SLIT1: variants seen among roughly 807,000 people sequenced by gnomAD.
SLIT1 encodes slit homolog 1 protein.
SLIT1 carries 66 observed loss-of-function variants against 186.1 expected under a neutral mutation model. That is an observed-to-expected ratio of 0.35 (90% CI 0.29 to 0.44). The LOEUF (loss-of-function observed/expected upper bound fraction) is 0.44, where lower values mean the gene tolerates loss of function less well. SLIT1 is among the 20% of genes least tolerant of loss of function. The pLI is 1.00. For missense variants in SLIT1, 1,638 were observed against 2,037.4 expected (o/e 0.80, Z 3.77); for synonymous variants, 761 against 833.8 (o/e 0.91, Z 1.50).
At position 97,164,784 on chromosome 10, in the gene SLIT1, CA is replaced by C. The variant is rs1481398910; in HGVS notation, c.269+34del. ...CTGCCCAGGACTGCCGTGGCATTGC[CA>C]GGGGTGGGGTGGGAGGGAGCACCCC... is the stretch of plus-strand genomic sequence containing the variant. On this transcript the variant is annotated intron_variant, in intron 2 of 36. Transcript: ENST00000266058. 2.6e-6 allele frequency: 4 copies of C among 1,528,528 alleles called. No homozygotes were observed. In the South Asian group the frequency reaches 3.4e-5, roughly 13 times the overall value. The allele number at this position is 1,528,528 out of a possible 1,614,324, so 94.7% of individuals were successfully genotyped here.
Position 97,047,779 on chromosome 10 carries a change from G to A in SLIT1, c.1545C>T (p.His515=). Residue 515 remains histidine (H), a synonymous_variant, in exon 16 of 37, where the codon CAC becomes CAT. Coordinates refer to ENST00000266058, the MANE Select transcript of SLIT1 (RefSeq NM_003061.3). ...SECNSDVVCP[H]KCRCEANVVE... is the part of the protein sequence containing the mutation. ...CCACGTTGGCCTCACAGCGGCACTT[G>A]TGGGGACAGACCACGTCGCTGTTGC... 3 of 1,614,100 alleles carry A rather than the reference G, an allele frequency of 1.9e-6. No homozygotes were observed. The highest frequency in any genetic ancestry group is 1.3e-5 in the African/African-American group (1 of 75,058).
At position 97,157,820 on chromosome 10, in the gene SLIT1, T is replaced by G. The variant is rs773203470; in HGVS notation, c.411A>C (p.Arg137Ser). The G allele has an allele frequency of 6.2e-7, 1 of 1,612,718 alleles. No individual in the cohort carries two copies. Residue 137 changes from arginine (R) to serine (S), a missense_variant and splice_region_variant, in exon 4 of 37, where the codon AGA (arginine) becomes AGC (serine). Arg to Ser is a moderately radical substitution (Grantham distance 110). This residue lies in a region of SLIT1 where 1,245 missense variants were observed against 1,535.3 expected (regional missense o/e 0.81). Transcript: ENST00000266058. ...LLFQNNQALS[R>S]LDLSENAIQA... ...TCTGGCCACAGAGCGTCACTCACAG[T>G]CTTGACAAAGCCTGGTTGTTCTGGA...
At chr10:97,138,822 A>G (rs1243393484) in intron 4 of SLIT1, among the ~76,000 whole-genome samples, 1 of 152,172 alleles carries the variant, frequency 6.6e-6, no homozygotes, top group Non-Finnish European at 1.5e-5. Context: ...ACAATGTTTC[A>G]CTATTTGTTT....
intron 4 of SLIT1, among the ~76,000 whole-genome samples, chr10:97,133,105 C>T (rs1303547941): frequency 6.6e-6 from 1 of 152,178 alleles, no homozygotes; most frequent in Non-Finnish European, 1.5e-5. Context: ...GAGTGGGAGC[C>T]ACCCCAGCGT....
chr10:97,127,861 T>A lies in SLIT1; in HGVS notation c.413+29957A>T, dbSNP rs116835450. 3.8e-3 allele frequency among the ~76,000 whole-genome samples: 586 copies of A among 152,328 alleles called. 2 individuals carry two copies. The highest frequency in any genetic ancestry group is 0.011 in the African/African-American group (452 of 41,584). ...ACTGTCCTCATCTGCAAAGACAGGATGTGAATTAGAACCTCTCTCAGGTTC... is the reference window on the plus strand; with the variant it reads ...ACTGTCCTCATCTGCAAAGACAGGAAGTGAATTAGAACCTCTCTCAGGTTC... On this transcript the variant is annotated intron_variant, in intron 4 of 36. Transcript: ENST00000266058.
intron 1 of SLIT1, 79 bp from the exon 2 acceptor site, chr10:97,164,969 T>G: frequency 9.3e-7 from 1 of 1,074,030 alleles, no homozygotes; most frequent in Non-Finnish European, 1.4e-6. Flanking sequence ...CCAGGTGCCC[T>G]CCCCGCCTGG....
intron 1 of SLIT1, among the ~76,000 whole-genome samples, chr10:97,165,244 G>A (rs765808648): frequency 5.3e-5 from 8 of 152,192 alleles, no homozygotes; most frequent in Non-Finnish European, 1.0e-4. Context: ...TAGAATCCTC[G>A]CTGAGCCTCA....
chr10:97,030,764 A>T lies in SLIT1; in HGVS notation c.2575T>A (p.Ser859Thr). Residue 859 changes from serine to threonine, a missense_variant, in exon 25 of 37, where the codon TCT (serine) becomes ACT (threonine). Ser to Thr is a moderately conservative substitution (Grantham distance 58). Coordinates refer to ENST00000266058, the MANE Select transcript of SLIT1 (RefSeq NM_003061.3). Reference sequence around the variant, plus strand: ...AGGGGCTAGGGTACTCACAGGTGAGACAGGGAGGTCACGTCTGCAAAGATG... The same window carrying T: ...AGGGGCTAGGGTACTCACAGGTGAGTCAGGGAGGTCACGTCTGCAAAGATG... ...EGIFADVTSL[S>T]HLAIGANPLY... 2 of 1,613,756 alleles carry T rather than the reference A, an allele frequency of 1.2e-6. No homozygotes were observed. Among genetic ancestry groups the T allele is most frequent in the Non-Finnish European group, 1.7e-6 (2 of 1,179,758 alleles).
chr10:97,107,124 T>G (rs1214692734), intron 4 of SLIT1, among the ~76,000 whole-genome samples: 1 of 152,142 alleles, frequency 6.6e-6, no homozygotes, highest in Non-Finnish European at 1.5e-5. Context: ...CCAGAAAAGG[T>G]ACCCAACAGG....
In SLIT1 at chr10:97,022,742, C is replaced by T. The variant is rs1848512385; in HGVS notation, c.2583-1329G>A. 6.6e-6 allele frequency among the ~76,000 whole-genome samples: 1 copy of T among 152,180 alleles called. No individual in the cohort carries two copies. The highest frequency in any genetic ancestry group is 1.5e-5 in the Non-Finnish European group (1 of 68,040). ...ATTACGAAAAACAAAAGTCTACACC[C>T]CACTGTCACTGCCCTCCACAAAGGG... On this transcript the variant is annotated intron_variant, in intron 25 of 36. Coordinates refer to ENST00000266058, the MANE Select transcript of SLIT1 (RefSeq NM_003061.3). This position sits in a 1 kb window ranked among gnomAD's most constrained non-coding sequence, Gnocchi z 4.2.
chr10:97,032,465 A>G (rs1848599760), intron 23 of SLIT1, among the ~76,000 whole-genome samples: 1 of 151,798 alleles, frequency 6.6e-6, no homozygotes, highest in Non-Finnish European at 1.5e-5. Flanking sequence ...GCTACTCGAG[A>G]GGCTGAGGCA....
At position 97,002,220 on chromosome 10, in the gene SLIT1, G is replaced by A. The variant is rs1357883546; in HGVS notation, c.4304C>T (p.Ser1435Leu). 1.3e-6 allele frequency: 2 copies of A among 1,586,418 alleles called. No individual in the cohort carries two copies. Among genetic ancestry groups the A allele is most frequent in the Admixed American group, 1.7e-5 (1 of 57,468 alleles). ...CACACAGTGTGCCCCCTTGGTGCCT[G>A]AGGCCTGGCAGTGGCCATGCAGGCA... ...LQCLHGHCQA[S>L]GTKGAHCVCD... is the part of the protein sequence containing the mutation. The change falls in exon 36 of 37, where the codon TCA becomes TTA. Residue 1435 changes from serine to leucine, a missense_variant. Physicochemically the swap from Ser to Leu is moderately radical, Grantham distance 145 (BLOSUM62 -2). Around this residue, in one of 3 missense-constraint regions of SLIT1, gnomAD observed 220 missense variants for 211.3 expected, o/e 1.04. Coordinates refer to ENST00000266058, the MANE Select transcript of SLIT1 (RefSeq NM_003061.3).
intron 23 of SLIT1, among the ~76,000 whole-genome samples, chr10:97,033,661 T>G (rs1266334329): frequency 2.6e-5 from 4 of 152,154 alleles, no homozygotes; most frequent in African/African-American, 9.7e-5. Context: ...TACAAAAGAC[T>G]ATCACCCATA....
intron 4 of SLIT1, among the ~76,000 whole-genome samples, chr10:97,118,326 C>T (rs1055171102): frequency 2.0e-5 from 3 of 152,176 alleles, no homozygotes; most frequent in African/African-American, 7.2e-5. Flanking sequence ...ATGAACTTCC[C>T]AAAGAACTCA....
Position 97,185,688 on chromosome 10 carries a change from C to T in SLIT1, c.-14G>A, listed in dbSNP as rs1307493355. ...AGTCAGCGCCATGGTGCCCTCACAG[C>T]GTCCCGCTCGCGAGCCAGACGGCAG... On this transcript the variant is annotated 5_prime_UTR_variant, in exon 1 of 37. Coordinates refer to ENST00000266058, the MANE Select transcript of SLIT1 (RefSeq NM_003061.3). 6.7e-7 allele frequency: 1 copy of T among 1,488,470 alleles called. No homozygotes were observed. Among genetic ancestry groups the T allele is most frequent in the Non-Finnish European group, 8.9e-7 (1 of 1,127,918 alleles). The allele number at this position is 1,488,470 out of a possible 1,614,324, so 92.2% of individuals were successfully genotyped here.
intron 23 of SLIT1, 63 bp downstream of exon 23, chr10:97,034,408 G>A: frequency 5.1e-6 from 6 of 1,183,808 alleles, no homozygotes; most frequent in Admixed American, 1.7e-5. Context: ...CACAGGCTGG[G>A]GCTAGGGAAT....
chr10:97,133,620 A>G (rs1343517631), intron 4 of SLIT1, among the ~76,000 whole-genome samples: 3 of 152,230 alleles, frequency 2.0e-5, no homozygotes, highest in Non-Finnish European at 2.9e-5. Flanking sequence ...TGAACAGTAC[A>G]CTGAAAAATC....
At chr10:97,064,142 G>A (rs768446158) in intron 7 of SLIT1, 26 bp downstream of exon 7, 16 of 1,594,450 alleles carry the variant, frequency 1.0e-5, no homozygotes, top group African/African-American at 6.7e-5. Context: ...TGGCTGCCCC[G>A]CTCCCAGCTG....
chr10:97,132,837 C>T (rs989061955), intron 4 of SLIT1, among the ~76,000 whole-genome samples: 5 of 152,218 alleles, frequency 3.3e-5, no homozygotes, highest in African/African-American at 1.2e-4. Flanking sequence ...CCATCCCCTT[C>T]CCTGCCTGGA....
Sources: allele counts gnomAD v4.1 joint callset (sites outside exome capture counted in the v4.1 genomes callset), GRCh38; gene constraint gnomAD v4.1.1; regional missense constraint gnomAD v4.1.1; non-coding constraint Gnocchi (gnomAD v3.1); transcripts MANE v1.5; gene names NCBI Gene and HGNC (gene_info 2026-07-23, HGNC 2026-07-21).